Variants in KCNT2 observed in about 807,000 individuals in gnomAD.
KCNT2 encodes the protein potassium sodium-activated channel subfamily T member 2.
Under a neutral mutation model 153.8 loss-of-function variants are expected in KCNT2, and 67 were observed. The observed-to-expected ratio is 0.44, with a 90% CI of 0.36 to 0.53. KCNT2 has a LOEUF of 0.53. Ranked by LOEUF, KCNT2 falls within the 20% of genes least tolerant of loss-of-function variation. The pLI, the probability that KCNT2 is intolerant of heterozygous loss-of-function variation, is 0.00. For synonymous variants in KCNT2, 500 were observed against 458.8 expected (o/e 1.09, Z -1.15); for missense variants, 975 against 1,354.8 (o/e 0.72, Z 4.40).
intron 22 of KCNT2, among the ~76,000 whole-genome samples, chr1:196,304,078 G>A (rs928844249): frequency 4.6e-5 from 7 of 152,180 alleles, no homozygotes; most frequent in African/African-American, 1.4e-4. Context: ...CTCAAACTCA[G>A]TTTCCACATC....
intron 11 of KCNT2, among the ~76,000 whole-genome samples, 164 bp from the exon 12 acceptor site, chr1:196,423,277 A>G (rs990947222): frequency 6.6e-6 from 1 of 151,950 alleles, no homozygotes; most frequent in South Asian, 2.1e-4. Context: ...GATCATGACT[A>G]TATCTGATTT....
chr1:196,519,247 G>A (rs12133309), intron 1 of KCNT2, among the ~76,000 whole-genome samples: 10,541 of 152,088 alleles, frequency 0.069, 1,101 homozygotes, highest in African/African-American at 0.23. Context: ...TTTGAAACTC[G>A]TGAGAACAAA....
At chr1:196,603,804 T>C (rs1665009747) in intron 1 of KCNT2, among the ~76,000 whole-genome samples, 1 of 152,256 alleles carries the variant, frequency 6.6e-6, no homozygotes, top group Non-Finnish European at 1.5e-5. Flanking sequence ...TTAACAGTAG[T>C]TGGAATTGTG....
intron 22 of KCNT2, among the ~76,000 whole-genome samples, 164 bp from the exon 23 acceptor site, chr1:196,285,922 C>T (rs536549938): frequency 1.2e-4 from 19 of 152,206 alleles, no homozygotes; most frequent in South Asian, 8.3e-4. Flanking sequence ...ACTGCCCTTT[C>T]GTTTTGCTAA....
At chr1:196,565,794 G>A (rs1660035337) in intron 1 of KCNT2, among the ~76,000 whole-genome samples, 1 of 151,660 alleles carries the variant, frequency 6.6e-6, no homozygotes, top group Non-Finnish European at 1.5e-5. Flanking sequence ...GTAGAGAATA[G>A]AATAGTGGTT....
chr1:196,507,187 T>C, intron 1 of KCNT2, among the ~76,000 whole-genome samples: 1 of 152,142 alleles, frequency 6.6e-6, no homozygotes, highest in East Asian at 1.9e-4. Context: ...GATGAAACCA[T>C]CTCAATACAA....
At chr1:196,455,755 A>G (rs919642233) in intron 8 of KCNT2, among the ~76,000 whole-genome samples, 1 of 151,874 alleles carries the variant, frequency 6.6e-6, no homozygotes, top group Admixed American at 6.6e-5. Flanking sequence ...TTGTTGAGCA[A>G]GTGGTGGCAA....
At chr1:196,400,283 T>C (rs1030569042) in intron 12 of KCNT2, among the ~76,000 whole-genome samples, 3 of 151,860 alleles carry the variant, frequency 2.0e-5, no homozygotes, top group South Asian at 2.1e-4. Context: ...AGGGAAAAAA[T>C]AGAAAGTAAA....
rs1673348776 is a variant in KCNT2 at position 196,423,095 on chromosome 1, G to A, written c.1140C>T (p.Ala380=). The part of the protein sequence containing the change: ...LLRAKMDDAE[A]CFILSSRCEV... Reference sequence around the variant, plus strand: ...CACAACGGCTACTGAGAATAAAACAGGCCTCAGCGTCATCCATCCTAAATA... The same window carrying A: ...CACAACGGCTACTGAGAATAAAACAAGCCTCAGCGTCATCCATCCTAAATA... The change falls in exon 12 of 28, where the codon GCC becomes GCT. Residue 380 remains alanine, a synonymous_variant. Coordinates refer to ENST00000294725, the MANE Select transcript of KCNT2 (RefSeq NM_198503.5). The A allele has an allele frequency of 1.9e-6, 3 of 1,602,556 alleles. No individual in the cohort carries two copies. Among genetic ancestry groups the A allele is most frequent in the Non-Finnish European group, 2.6e-6 (3 of 1,172,854 alleles).
intron 1 of KCNT2, among the ~76,000 whole-genome samples, chr1:196,515,154 G>A (rs1049988818): frequency 2.6e-5 from 4 of 152,174 alleles, no homozygotes; most frequent in Admixed American, 1.3e-4. Context: ...TGTTGTAAGC[G>A]ATTTCCAGCA....
chr1:196,332,991 C>T (rs1034928502), intron 17 of KCNT2, among the ~76,000 whole-genome samples: 3 of 151,738 alleles, frequency 2.0e-5, no homozygotes, highest in South Asian at 2.1e-4. Flanking sequence ...AGCCACACCA[C>T]GTTGGTCAGG....
intron 14 of KCNT2, among the ~76,000 whole-genome samples, chr1:196,370,485 A>G (rs542924605): frequency 6.6e-6 from 1 of 152,250 alleles, no homozygotes; most frequent in African/African-American, 2.4e-5. Flanking sequence ...GAATTGTATT[A>G]GTCAGAGTAC....
Position 196,425,955 on chromosome 1 carries a change from T to A in KCNT2, c.1018A>T (p.Met340Leu). ...AGTACCCTTCGAACCTGTACATCCA[T>A]TTCAGTAGGACACAAAATCACCACA... ...YYVVILCPTE[M>L]DVQVRRVLQI... The change falls in exon 11 of 28, where the codon ATG (methionine) becomes TTG (leucine). Residue 340 changes from methionine (M) to leucine (L), a missense_variant. Met to Leu is a conservative substitution (Grantham distance 15). Transcript: ENST00000294725. The A allele has an allele frequency of 1.9e-6, 3 of 1,612,120 alleles. No individual in the cohort carries two copies. The highest frequency in any genetic ancestry group is 2.5e-6 in the Non-Finnish European group (3 of 1,178,824).
Position 196,354,686 on chromosome 1 carries a change from T to C in KCNT2, c.1404-12458A>G, listed in dbSNP as rs372327568. On this transcript the variant is annotated intron_variant, in intron 14 of 27. Transcript: ENST00000294725. ...TGAAGAAGATAAGAAAATGTATTAA[T>C]TCACTATATTGATTGCAAGGAGATT... is the stretch of plus-strand genomic sequence containing the variant. 4.0e-5 allele frequency among the ~76,000 whole-genome samples: 6 copies of C among 151,850 alleles called. No individual in the cohort carries two copies. In the East Asian group the frequency reaches 7.7e-4, roughly 20 times the overall value.
chr1:196,547,020 T>C (rs1657193459), intron 1 of KCNT2, among the ~76,000 whole-genome samples: 1 of 151,948 alleles, frequency 6.6e-6, no homozygotes, highest in African/African-American at 2.4e-5. Flanking sequence ...ACAAGAATTA[T>C]CTACAGGATT....
In KCNT2 at chr1:196,366,162, TTA is replaced by T. The variant is rs1221288288; in HGVS notation, c.1403+6976_1403+6977del. 2.7e-5 allele frequency among the ~76,000 whole-genome samples: 4 copies of T among 150,104 alleles called. 1 individual carries two copies. Among genetic ancestry groups the T allele is most frequent in the Non-Finnish European group, 4.4e-5 (3 of 67,574 alleles). ...CTTTATTTACTTATTTATTTAATTA[TTA>T]TTTTTTTTTTTTGAGACAGAGTTTC... is the stretch of plus-strand genomic sequence containing the variant. On this transcript the variant is annotated intron_variant, in intron 14 of 27. Coordinates refer to ENST00000294725, the MANE Select transcript of KCNT2 (RefSeq NM_198503.5).
At chr1:196,332,824 G>A (rs900864902) in intron 17 of KCNT2, among the ~76,000 whole-genome samples, 11 of 145,506 alleles carry the variant, frequency 7.6e-5, no homozygotes, top group East Asian at 2.0e-4. Context: ...TCACTCTGTC[G>A]CCCTGGCTGG....
intron 13 of KCNT2, among the ~76,000 whole-genome samples, chr1:196,384,707 C>CAAAA (rs60975976): frequency 1.5e-4 from 11 of 75,500 alleles, no homozygotes; most frequent in African/African-American, 2.0e-4. Context: ...ACCCCATCTC[C>CAAAA]AAAAAAAAAA....
At chr1:196,606,059 G>A (rs928438380) in intron 1 of KCNT2, among the ~76,000 whole-genome samples, 1 of 152,138 alleles carries the variant, frequency 6.6e-6, no homozygotes, top group Admixed American at 6.5e-5. Context: ...GCTATTCAGA[G>A]TTTGTCTGAG....
Sources: allele counts gnomAD v4.1 joint callset (sites outside exome capture counted in the v4.1 genomes callset), GRCh38; gene constraint gnomAD v4.1.1; transcripts MANE v1.5; gene names NCBI Gene and HGNC (gene_info 2026-07-23, HGNC 2026-07-21).